The following ANO5 variants were observed in gnomAD, a reference collection of about 807,000 sequenced individuals.
ANO5 encodes the protein anoctamin-5.
In ANO5, 109 loss-of-function variants were observed where a neutral mutation model predicts 121.0. That is an observed-to-expected ratio of 0.90 (90% confidence interval 0.77 to 1.06). The LOEUF (loss-of-function observed/expected upper bound fraction) is 1.06, where lower values mean the gene tolerates loss of function less well. Among genes scored for constraint, ANO5 ranks in the 50% least tolerant of loss-of-function variants. The probability of loss-of-function intolerance (pLI) is 0.00; values close to 1 mark genes in which losing one functional copy is unlikely to be tolerated. For synonymous variants in ANO5, 406 were observed against 359.9 expected, an observed-to-expected ratio of 1.13 and a Z score of -1.45; for missense variants, 1,064 against 1,078.5, an observed-to-expected ratio of 0.99 and a Z score of 0.19.
intron 7 of ANO5, among the ~76,000 whole-genome samples, chr11:22,235,920 A>G (rs1274015955): frequency 2.0e-5 from 3 of 152,104 alleles, no homozygotes; most frequent in Non-Finnish European, 2.9e-5. Flanking sequence ...GAAGCAAAAT[A>G]AATTATGGTC....
chr11:22,227,696 A>G, intron 7 of ANO5, 110 bp downstream of exon 7: 2 of 1,358,392 alleles, frequency 1.5e-6, no homozygotes, highest in Non-Finnish European at 2.1e-6. Context: ...GCTTCTGTAT[A>G]GGATATAAGC....
Position 22,274,706 on chromosome 11 carries a change from C to T in ANO5, c.2373C>T (p.Asn791=). The part of the protein sequence containing the change: ...LSVFLIADFP[N]HTAPSEKRDF... ...TATTCCTGATAGCTGATTTTCCAAA[C>T]CACACTGCACCTTCGGAAAAACGAG... The change falls in exon 20 of 22, where the codon AAC becomes AAT. Residue 791 remains asparagine (N), a synonymous_variant. Transcript: ENST00000324559. 6.2e-7 allele frequency: 1 copy of T among 1,613,558 alleles called. No homozygotes were observed. The highest frequency in any genetic ancestry group is 8.5e-7 in the Non-Finnish European group (1 of 1,179,636).
chr11:22,248,017 C>T (rs1228363460), intron 9 of ANO5, among the ~76,000 whole-genome samples: 1 of 152,050 alleles, frequency 6.6e-6, no homozygotes, highest in Non-Finnish European at 1.5e-5. Flanking sequence ...GAGGATAATA[C>T]TGAAGCTAAG....
intron 18 of ANO5, among the ~76,000 whole-genome samples, chr11:22,271,784 T>A (rs1478805466): frequency 6.6e-6 from 1 of 152,222 alleles, no homozygotes; most frequent in East Asian, 1.9e-4. Context: ...ATAAATTTTT[T>A]ATGGGCCACA....
Position 22,249,605 on chromosome 11 carries a change from G to A in ANO5, c.879-632G>A, listed in dbSNP as rs74881096. Among the ~76,000 whole-genome samples the A allele has an allele frequency of 0.016, 2,436 of 152,146 alleles. 148 individuals are homozygous for A. In the East Asian group the frequency reaches 0.21, roughly 13 times the overall value. On this transcript the variant is annotated intron_variant, in intron 9 of 21. Transcript: ENST00000324559. ...GTTGTGAGAATTAAAATGTTGTGCC[G>A]ATAAACGCTGTCACTTTTCAATTCT...
chr11:22,197,551 A>G (rs188822944), intron 1 of ANO5, among the ~76,000 whole-genome samples: 58 of 152,290 alleles, frequency 3.8e-4, no homozygotes, highest in Middle Eastern at 6.8e-3. Context: ...CTTTACGGCT[A>G]TGTTAAGCAT....
intron 1 of ANO5, among the ~76,000 whole-genome samples, chr11:22,194,502 A>C (rs1158988779): frequency 1.3e-5 from 2 of 151,990 alleles, no homozygotes; most frequent in South Asian, 4.1e-4. Flanking sequence ...GTAAAGTTGG[A>C]TTTTTTTTAG....
chr11:22,270,601 C>A (rs977750263), intron 18 of ANO5, among the ~76,000 whole-genome samples, 159 bp downstream of exon 18: 5 of 152,160 alleles, frequency 3.3e-5, no homozygotes, highest in Non-Finnish European at 7.4e-5. Context: ...AATTTGTTCC[C>A]TATTTCCCTG....
chr11:22,242,716 C>G (rs770037198), intron 9 of ANO5, among the ~76,000 whole-genome samples: 14 of 151,978 alleles, frequency 9.2e-5, no homozygotes, highest in Non-Finnish European at 1.9e-4. Context: ...ATATAGAAAG[C>G]TACTCACTTT....
intron 7 of ANO5, among the ~76,000 whole-genome samples, chr11:22,229,647 C>T (rs572643762): frequency 1.3e-5 from 2 of 152,026 alleles, no homozygotes; most frequent in Non-Finnish European, 2.9e-5. Flanking sequence ...ATATTTGTTA[C>T]ATTGAAAAAT....
At chr11:22,279,392 A>C in intron 21 of ANO5, 152 bp from the exon 22 acceptor site, 1 of 648,792 alleles carries the variant, frequency 1.5e-6, no homozygotes, top group African/African-American at 1.8e-5. Context: ...TCTTTGTATG[A>C]AAGTTCTAGG....
chr11:22,205,906 A>G (rs947883527), intron 2 of ANO5, among the ~76,000 whole-genome samples: 15 of 152,152 alleles, frequency 9.9e-5, no homozygotes, highest in African/African-American at 3.4e-4. Context: ...AACTACTATA[A>G]TCCACTCAAC....
chr11:22,193,151 G>T lies in ANO5; in HGVS notation c.-342G>T. On this transcript the variant is annotated 5_prime_UTR_variant, in exon 1 of 22. Transcript: ENST00000324559. Reference sequence around the variant, plus strand: ...GGATCAGCTGCCGAGCAGGCACAGGGACAGGTGCCTGGAGAAGTACTGGGA... The same window carrying T: ...GGATCAGCTGCCGAGCAGGCACAGGTACAGGTGCCTGGAGAAGTACTGGGA... 8.6e-6 allele frequency: 10 copies of T among 1,169,460 alleles called. No individual in the cohort carries two copies. Among genetic ancestry groups the T allele is most frequent in the Non-Finnish European group, 1.1e-5 (10 of 936,910 alleles). 72.4% of individuals were successfully genotyped at this position (1,169,460 alleles called of 1,614,324 possible). A position where few individuals can be genotyped will look rare whatever the true frequency, so the allele number is the denominator to read the frequency against.
intron 5 of ANO5, among the ~76,000 whole-genome samples, chr11:22,224,117 T>G (rs1852748004): frequency 1.3e-5 from 2 of 152,060 alleles, no homozygotes; most frequent in Admixed American, 6.6e-5. Flanking sequence ...TTGCTCCTTC[T>G]CAGTCTTTAC....
intron 13 of ANO5, among the ~76,000 whole-genome samples, chr11:22,256,730 T>TTTTTG (rs142439689): frequency 2.0e-5 from 3 of 151,756 alleles, no homozygotes; most frequent in East Asian, 1.9e-4. Context: ...ACAGAGTTTT[T>TTTTTG]TTTTGTTTTG....
At position 22,220,987 on chromosome 11, in the gene ANO5, ACT is replaced by A. The variant is rs199977860; in HGVS notation, c.181-107_181-106del. 1.7e-3 allele frequency: 1,343 copies of A among 768,592 alleles called. 15 individuals are homozygous for A. The African/African-American group carries it at 0.021, about 12-fold the overall frequency. The allele number at this position is 768,592 out of a possible 1,614,324, so 47.6% of individuals were successfully genotyped here. A position where few individuals can be genotyped will look rare whatever the true frequency, so the allele number is the denominator to read the frequency against. On this transcript the variant is annotated intron_variant, in intron 4 of 21. Transcript: ENST00000324559. ...AACAAAGCATAATCTGTTGCTGAAA[ACT>A]CTGGTTATTTGTCTTGATTTGACTA... is the stretch of plus-strand genomic sequence containing the variant.
intron 4 of ANO5, among the ~76,000 whole-genome samples, chr11:22,220,168 A>G (rs1368511437): frequency 6.6e-6 from 1 of 152,036 alleles, no homozygotes. Context: ...TAGAAACACT[A>G]GTTGTGAAAA....
At chr11:22,236,369 T>C (rs922425862) in intron 8 of ANO5, 93 bp downstream of exon 8, 2 of 1,041,296 alleles carry the variant, frequency 1.9e-6, no homozygotes, top group African/African-American at 3.2e-5. Context: ...TTCAGTTGCT[T>C]AGTTTTCTCT....
chr11:22,253,047 T>C (rs1360254102), intron 12 of ANO5, among the ~76,000 whole-genome samples: 1 of 152,180 alleles, frequency 6.6e-6, no homozygotes, highest in African/African-American at 2.4e-5. Flanking sequence ...GCTAGGCATA[T>C]GGTATGTATT....
Sources: gnomAD v4.1 joint callset for allele counts (sites outside exome capture counted in the v4.1 genomes callset) on GRCh38, gnomAD v4.1.1 for gene constraint, MANE v1.5 for transcripts, NCBI Gene and HGNC (gene_info 2026-07-23, HGNC 2026-07-21) for gene names.